NT5C2: variants seen among roughly 807,000 people sequenced by gnomAD.
NT5C2 encodes 5'-nucleotidase, cytosolic II.
In NT5C2, 58 loss-of-function variants were observed where a neutral mutation model predicts 76.1. That is an observed-to-expected ratio of 0.76 (90% CI 0.62 to 0.95). The LOEUF is 0.95. Ranked by LOEUF, NT5C2 falls within the 40% of genes least tolerant of loss-of-function variation. The pLI is 0.00. For missense variants in NT5C2, 478 were observed against 690.3 expected (o/e 0.69, Z 3.45); for synonymous variants, 229 against 237.4 (o/e 0.96, Z 0.32).
At chr10:103,125,271 T>C (rs2076445820) in intron 4 of NT5C2, 2 of 662,498 alleles carry the variant, frequency 3.0e-6, no homozygotes, top group African/African-American at 3.8e-5. Context: ...AATTCGCCAA[T>C]GGAACCATGC....
chr10:103,164,860 A>G (rs910042283), intron 3 of NT5C2, among the ~76,000 whole-genome samples: 2 of 152,210 alleles, frequency 1.3e-5, no homozygotes, highest in Non-Finnish European at 2.9e-5. Flanking sequence ...CCATGCCACC[A>G]ATACCACTTT....
chr10:103,097,319 G>C lies in NT5C2; in HGVS notation c.743C>G (p.Ala248Gly), dbSNP rs148650444. The C allele has an allele frequency of 6.2e-7, 1 of 1,613,476 alleles. No individual in the cohort carries two copies. Among genetic ancestry groups the C allele is most frequent in the East Asian group, 2.2e-5 (1 of 44,802 alleles). The part of the protein sequence containing the change: ...RMKEVGKVFL[A>G]TNSDYKYTDK... ...TGTATATTTATAGTCACTGTTGGTA[G>C]CAAGAAATACTTTCCCTACTTCCTT... is the stretch of plus-strand genomic sequence containing the variant. The change falls in exon 11 of 19, where the codon GCT (alanine) becomes GGT (glycine). Residue 248 changes from alanine (A) to glycine (G), a missense_variant. Ala to Gly is a moderately conservative substitution (Grantham distance 60, BLOSUM62 0). Coordinates refer to ENST00000404739, the MANE Select transcript of NT5C2 (RefSeq NM_001351169.2).
At chr10:103,183,616 C>T (rs532560473) in intron 1 of NT5C2, among the ~76,000 whole-genome samples, 2 of 148,238 alleles carry the variant, frequency 1.3e-5, no homozygotes, top group Admixed American at 6.8e-5. Flanking sequence ...CCTGGGTTCA[C>T]GCCATATATA....
At chr10:103,170,518 CAT>C (rs2087664247) in intron 3 of NT5C2, among the ~76,000 whole-genome samples, 3 of 147,598 alleles carry the variant, frequency 2.0e-5, no homozygotes, top group Admixed American at 1.4e-4. Flanking sequence ...AGCACACACA[CAT>C]GCACACTTTT....
chr10:103,187,351 T>C (rs2034021264), intron 1 of NT5C2, among the ~76,000 whole-genome samples: 1 of 151,534 alleles, frequency 6.6e-6, no homozygotes, highest in South Asian at 2.1e-4. Flanking sequence ...CAAGACCAGC[T>C]TGGCCAAAAT....
chr10:103,145,751 G>A (rs1231747293), intron 3 of NT5C2, among the ~76,000 whole-genome samples: 1 of 152,052 alleles, frequency 6.6e-6, no homozygotes, highest in Non-Finnish European at 1.5e-5. Flanking sequence ...CAATCTCTAG[G>A]TGACAGGAAC....
chr10:103,148,922 A>T (rs142596542), intron 3 of NT5C2, among the ~76,000 whole-genome samples: 22 of 152,318 alleles, frequency 1.4e-4, no homozygotes, highest in Non-Finnish European at 3.1e-4. Flanking sequence ...ACAAAAAGTT[A>T]GGATAGCAAA....
At chr10:103,124,055 C>A in intron 4 of NT5C2, among the ~76,000 whole-genome samples, 1 of 152,068 alleles carries the variant, frequency 6.6e-6, no homozygotes, top group South Asian at 2.1e-4. Context: ...AATAATTCTA[C>A]ATGTATAATT....
chr10:103,168,234 G>A (rs2086894229), intron 3 of NT5C2, among the ~76,000 whole-genome samples: 1 of 152,012 alleles, frequency 6.6e-6, no homozygotes, highest in Admixed American at 6.6e-5. Flanking sequence ...AAATTCACAA[G>A]CCTAATAACG....
Position 103,105,723 on chromosome 10 carries a change from T to C in NT5C2, c.372A>G (p.Gly124=). The change falls in exon 6 of 19, where the codon GGA becomes GGG. Residue 124 remains glycine, a synonymous_variant. Transcript: ENST00000404739. ...AYGNLLVCAH[G]FNFIRGPETR... ...GTACTCACCCCCTTATAAAGTTAAA[T>C]CCATGTGCACAGACCAAGAGGTTTC... 1 of 1,611,818 alleles carries C rather than the reference T, an allele frequency of 6.2e-7. No individual in the cohort carries two copies. Among genetic ancestry groups the C allele is most frequent in the Non-Finnish European group, 8.5e-7 (1 of 1,178,266 alleles).
chr10:103,157,213 A>T (rs1172481687), intron 3 of NT5C2, among the ~76,000 whole-genome samples: 2 of 151,896 alleles, frequency 1.3e-5, no homozygotes, highest in Admixed American at 1.3e-4. Flanking sequence ...GTATACAAAT[A>T]CCCTAACCAT....
At position 103,101,309 on chromosome 10, in the gene NT5C2, T is replaced by C. The variant is rs12262171; in HGVS notation, c.407A>G (p.Gln136Arg). Residue 136 changes from glutamine to arginine, a missense_variant, in exon 7 of 19, where the codon CAG (glutamine) becomes CGG (arginine). Transcript: ENST00000404739. ...NFIRGPETRE[Q>R]YPNKFIQRDD... is the part of the protein sequence containing the mutation. ...TCGCTGGATAAATTTATTTGGATAC[T>C]GTTCTCTAGTTTCTGGTCTGAAAGA... 1.3e-4 allele frequency: 209 copies of C among 1,599,476 alleles called. No homozygotes were observed. In the African/African-American group the frequency reaches 2.6e-3, roughly 20 times the overall value.
chr10:103,098,128 T>C, intron 10 of NT5C2: 1 of 510,430 alleles, frequency 2.0e-6, no homozygotes, highest in Non-Finnish European at 3.9e-6. Context: ...TGGGGCACTA[T>C]GTGTGTTTAA....
rs750672802 is a variant in NT5C2, at chr10:103,099,033, T to C, written c.634-49A>G. ...TTAAGAAAAGAACAAAATCAGTTTTTAACATGTAGTTTATAAGAAAAATGG... is the reference window on the plus strand; with the variant it reads ...TTAAGAAAAGAACAAAATCAGTTTTCAACATGTAGTTTATAAGAAAAATGG... On this transcript the variant is annotated intron_variant, in intron 9 of 18. Transcript: ENST00000404739. 2.8e-6 allele frequency: 4 copies of C among 1,422,292 alleles called. No individual in the cohort carries two copies. The Admixed American group carries it at 5.8e-5, about 21-fold the overall frequency. 88.1% of individuals were successfully genotyped at this position (1,422,292 alleles called of 1,614,324 possible). A position where few individuals can be genotyped will look rare whatever the true frequency, so the allele number is the denominator to read the frequency against.
intron 4 of NT5C2, among the ~76,000 whole-genome samples, chr10:103,136,924 A>G (rs1385014464): frequency 6.6e-6 from 1 of 152,180 alleles, no homozygotes; most frequent in Non-Finnish European, 1.5e-5. Flanking sequence ...CGCCAGGCCA[A>G]TTAAGTGACC....
At chr10:103,129,768 C>CT (rs2077659026) in intron 4 of NT5C2, among the ~76,000 whole-genome samples, 1 of 111,146 alleles carries the variant, frequency 9.0e-6, no homozygotes, top group Non-Finnish European at 1.9e-5. Flanking sequence ...TGTCAGCCCC[C>CT]CGCCCGGCCA....
At chr10:103,102,634 A>G (rs971006152) in intron 6 of NT5C2, among the ~76,000 whole-genome samples, 1 of 151,900 alleles carries the variant, frequency 6.6e-6, no homozygotes, top group African/African-American at 2.4e-5. Context: ...CCAAGGTAAA[A>G]TAAGACCCGG....
rs35525740 is a variant in NT5C2, at chr10:103,181,355, A to T, written c.-168-27T>A. On this transcript the variant is annotated intron_variant, in intron 1 of 18. Transcript: ENST00000404739. ...TGTCTCAAAAAAAAAAAAAATAATAATTCACAGGCAAAACATGCACAGTCC... is the reference window on the plus strand; with the variant it reads ...TGTCTCAAAAAAAAAAAAAATAATATTTCACAGGCAAAACATGCACAGTCC... The T allele has an allele frequency of 0.4, 60,459 of 149,376 alleles. 12,530 individuals carry two copies. Among genetic ancestry groups the T allele is most frequent in the East Asian group, 0.55 (2,796 of 5,040 alleles). The allele number at this position is 149,376 out of a possible 1,614,324, so 9.3% of individuals were successfully genotyped here.
chr10:103,096,309 C>T (rs182815121), intron 11 of NT5C2, among the ~76,000 whole-genome samples: 1 of 152,288 alleles, frequency 6.6e-6, no homozygotes, highest in Non-Finnish European at 1.5e-5. Context: ...AACCTATCAC[C>T]TTGGCTTCGC....
Sources: allele counts gnomAD v4.1 joint callset (sites outside exome capture counted in the v4.1 genomes callset), GRCh38; gene constraint gnomAD v4.1.1; transcripts MANE v1.5; gene names NCBI Gene and HGNC (gene_info 2026-07-23, HGNC 2026-07-21).